Variants in UBXN7 observed in about 807,000 individuals in gnomAD.
UBXN7 encodes the protein UBX domain protein 7.
In UBXN7, 9 loss-of-function variants were observed where a neutral mutation model predicts 58.0. The ratio of observed to expected loss-of-function variants is 0.16; its 90% CI spans 0.09 to 0.27. The LOEUF (loss-of-function observed/expected upper bound fraction) is 0.27. UBXN7 is among the 10% of genes least tolerant of loss of function. UBXN7 has a pLI of 1.00. For missense variants in UBXN7, 328 were observed against 599.6 expected, an observed-to-expected ratio of 0.55 and a Z score of 4.73; for synonymous variants, 208 against 205.0, an observed-to-expected ratio of 1.01 and a Z score of -0.12.
At chr3:196,432,020 C>G (rs1454228380) in intron 1 of UBXN7, 2 of 536,844 alleles carry the variant, frequency 3.7e-6, no homozygotes, top group Non-Finnish European at 6.8e-6. Flanking sequence ...TCCTCCCGCC[C>G]CCGGGTCCCC....
chr3:196,384,020 T>C (rs1729295450), intron 5 of UBXN7, among the ~76,000 whole-genome samples: 1 of 152,190 alleles, frequency 6.6e-6, no homozygotes. Context: ...AGCTGGTTTT[T>C]TGAAAAGATC....
At chr3:196,364,698 T>C (rs1728607757) in intron 8 of UBXN7, among the ~76,000 whole-genome samples, 3 of 149,000 alleles carry the variant, frequency 2.0e-5, no homozygotes, top group Admixed American at 2.0e-4. Context: ...ATTTTTTTGC[T>C]GGTTGTTTTT....
At chr3:196,407,181 G>C in intron 2 of UBXN7, 65 bp downstream of exon 2, 1 of 1,569,216 alleles carries the variant, frequency 6.4e-7, no homozygotes, top group Non-Finnish European at 8.6e-7. Context: ...ACCTAGCTTT[G>C]ATAAAAATGC....
intron 5 of UBXN7, among the ~76,000 whole-genome samples, chr3:196,373,931 C>G (rs1728915984): frequency 6.6e-6 from 1 of 152,128 alleles, no homozygotes; most frequent in Non-Finnish European, 1.5e-5. Context: ...AAGAAATATC[C>G]TCATATTGAG....
intron 5 of UBXN7, among the ~76,000 whole-genome samples, chr3:196,379,879 G>C (rs1214672263): frequency 6.6e-6 from 1 of 152,146 alleles, no homozygotes; most frequent in East Asian, 1.9e-4. Context: ...CTGGAAAGGG[G>C]TCCGGATCCA....
At chr3:196,397,825 T>C (rs1450315822) in intron 3 of UBXN7, 1 of 152,210 alleles carries the variant, frequency 6.6e-6, no homozygotes, top group East Asian at 1.9e-4. Context: ...TATTCCTCTT[T>C]AACAGTACAC....
intron 1 of UBXN7, chr3:196,431,304 T>C (rs1731039274): frequency 6.6e-6 from 1 of 152,220 alleles, no homozygotes; most frequent in Non-Finnish European, 1.5e-5. Flanking sequence ...TGGAGTACTC[T>C]TCTCTCAAAT....
In UBXN7 at chr3:196,356,150, T is replaced by G. The variant is rs555810694; in HGVS notation, c.*535A>C. The G allele has an allele frequency of 1.5e-4, 23 of 152,858 alleles. No individual in the cohort carries two copies. The highest frequency in any genetic ancestry group is 5.0e-4 in the African/African-American group (21 of 41,592). 9.5% of individuals were successfully genotyped at this position (152,858 alleles called of 1,614,324 possible). A position where few individuals can be genotyped will look rare whatever the true frequency, so the allele number is the denominator to read the frequency against. On this transcript the variant is annotated 3_prime_UTR_variant, in exon 11 of 11. Transcript: ENST00000296328. ...TGCTTTTTCCACGTAAACAAAAGCC[T>G]GGATATTTTGTTAAGCGACATTTCC...
At chr3:196,416,797 T>TAATTC (rs1168155810) in intron 1 of UBXN7, among the ~76,000 whole-genome samples, 4 of 152,220 alleles carry the variant, frequency 2.6e-5, no homozygotes, top group African/African-American at 9.6e-5. Context: ...TAACATAAAT[T>TAATTC]AATTCAATCA....
chr3:196,396,956 T>G (rs1265025185), intron 3 of UBXN7, among the ~76,000 whole-genome samples: 1 of 152,168 alleles, frequency 6.6e-6, no homozygotes, highest in Non-Finnish European at 1.5e-5. Flanking sequence ...CTCCGTATAC[T>G]CACTAGTTCC....
At chr3:196,369,540 G>A (rs774399392) in intron 6 of UBXN7, 29 bp from the exon 7 acceptor site, 1 of 1,531,874 alleles carries the variant, frequency 6.5e-7, no homozygotes, top group Non-Finnish European at 8.9e-7. Context: ...AAAAAAAAAA[G>A]TCAGCCTCTA....
intron 9 of UBXN7, 92 bp downstream of exon 9, chr3:196,362,202 G>A (rs1577432327): frequency 3.4e-6 from 5 of 1,464,430 alleles, no homozygotes; most frequent in South Asian, 2.7e-5. Flanking sequence ...CCATGTTGGC[G>A]AGGCTGGTCT....
intron 5 of UBXN7, among the ~76,000 whole-genome samples, chr3:196,379,624 C>A (rs1560225532): frequency 6.6e-6 from 1 of 152,172 alleles, no homozygotes; most frequent in Non-Finnish European, 1.5e-5. Context: ...GTAGAGAGGA[C>A]CTCAGTCTGA....
intron 6 of UBXN7, among the ~76,000 whole-genome samples, chr3:196,370,857 CAAA>C (rs11347018): frequency 5.8e-5 from 5 of 86,284 alleles, no homozygotes; most frequent in Admixed American, 1.2e-4. Context: ...CCCATCTCTA[CAAA>C]AAAAAAAAAA....
intron 5 of UBXN7, among the ~76,000 whole-genome samples, chr3:196,389,206 A>G (rs1729504468): frequency 6.6e-6 from 1 of 152,108 alleles, no homozygotes; most frequent in Admixed American, 6.6e-5. Context: ...CTCTCTCTCA[A>G]TGGCTGTAGT....
intron 2 of UBXN7, 63 bp downstream of exon 2, chr3:196,407,183 T>C (rs1577468623): frequency 6.4e-7 from 1 of 1,571,960 alleles, no homozygotes; most frequent in East Asian, 2.3e-5. Flanking sequence ...CTAGCTTTGA[T>C]AAAAATGCAA....
intron 5 of UBXN7, among the ~76,000 whole-genome samples, chr3:196,376,556 A>AG (rs1482874390): frequency 6.7e-6 from 1 of 148,720 alleles, no homozygotes; most frequent in Non-Finnish European, 1.5e-5. Context: ...AAAAAAAAAA[A>AG]AAAAAAAAAA....
chr3:196,394,603 CAAAA>C (rs58896906), intron 3 of UBXN7, among the ~76,000 whole-genome samples: 1 of 113,998 alleles, frequency 8.8e-6, no homozygotes, highest in African/African-American at 3.2e-5. Context: ...AACTCCGTCT[CAAAA>C]AAAAAAAAAA....
intron 1 of UBXN7, among the ~76,000 whole-genome samples, chr3:196,409,818 CA>C: frequency 6.6e-6 from 1 of 152,220 alleles, no homozygotes; most frequent in East Asian, 1.9e-4. Context: ...ATGAGTCTAC[CA>C]AAAGGGAAGT....
Sources: allele counts gnomAD v4.1 joint callset (sites outside exome capture counted in the v4.1 genomes callset), GRCh38; gene constraint gnomAD v4.1.1; transcripts MANE v1.5; gene names NCBI Gene and HGNC (gene_info 2026-07-23, HGNC 2026-07-21).